AKAP13: variants seen among roughly 807,000 people sequenced by gnomAD.
The protein encoded by AKAP13 is A-kinase anchor protein 13.
Under a neutral mutation model 264.5 loss-of-function variants are expected in AKAP13, and 80 were observed. The observed-to-expected ratio is 0.30, with a 90% CI of 0.25 to 0.36. AKAP13 has a LOEUF of 0.36. Among genes scored for constraint, AKAP13 ranks in the 10% least tolerant of loss-of-function variants. The pLI is 1.00. For missense variants in AKAP13, 3,712 were observed against 3,435.2 expected (o/e 1.08, Z -2.01); for synonymous variants, 1,380 against 1,250.2 (o/e 1.10, Z -2.19).
At chr15:85,631,113 G>C (rs443744) in intron 8 of AKAP13, among the ~76,000 whole-genome samples, 95,910 of 152,046 alleles carry the variant, frequency 0.63, 30,410 homozygotes, top group Middle Eastern at 0.73. Context: ...GTAAAGTACT[G>C]TTACATGCTT....
chr15:85,448,665 C>G (rs1028832351), intron 1 of AKAP13, among the ~76,000 whole-genome samples: 2 of 152,120 alleles, frequency 1.3e-5, no homozygotes, highest in African/African-American at 4.8e-5. Context: ...TGTCAAAGAT[C>G]AGATGGTCGT....
At chr15:85,442,503 T>A (rs1364109473) in intron 1 of AKAP13, among the ~76,000 whole-genome samples, 5 of 108,484 alleles carry the variant, frequency 4.6e-5, no homozygotes, top group South Asian at 2.7e-4. Context: ...ATATATTATA[T>A]TATATATAAT....
chr15:85,705,488 G>A (rs938956746), intron 17 of AKAP13, among the ~76,000 whole-genome samples: 96 of 151,976 alleles, frequency 6.3e-4, no homozygotes, highest in African/African-American at 2.3e-3. Flanking sequence ...TGGATTATAA[G>A]ACAATAAAAT....
At chr15:85,655,878 G>C in intron 11 of AKAP13, 91 bp downstream of exon 11, 2 of 1,494,568 alleles carry the variant, frequency 1.3e-6, no homozygotes, top group Middle Eastern at 2.5e-4. Flanking sequence ...AAGAATTTAG[G>C]AGACCCCATA....
At chr15:85,562,542 G>A (rs1420918255) in intron 5 of AKAP13, among the ~76,000 whole-genome samples, 1 of 134,350 alleles carries the variant, frequency 7.4e-6, no homozygotes, top group Non-Finnish European at 1.5e-5. Flanking sequence ...TCCATCCTGG[G>A]TGACAGAGTG....
At chr15:85,437,198 G>A (rs1253623352) in intron 1 of AKAP13, among the ~76,000 whole-genome samples, 10 of 148,298 alleles carry the variant, frequency 6.7e-5, no homozygotes, top group South Asian at 2.2e-4. Flanking sequence ...ACACCTCTAC[G>A]CAAATAAACT....
intron 1 of AKAP13, among the ~76,000 whole-genome samples, chr15:85,470,208 G>C (rs1473869045): frequency 6.6e-6 from 1 of 152,204 alleles, no homozygotes; most frequent in African/African-American, 2.4e-5. Context: ...AGAATCACTT[G>C]AACCCAGAAG....
chr15:85,649,630 A>T (rs1408718179), intron 10 of AKAP13, among the ~76,000 whole-genome samples: 1 of 152,094 alleles, frequency 6.6e-6, no homozygotes, highest in Non-Finnish European at 1.5e-5. Context: ...GTTTGTCGTG[A>T]CCTTTTCACC....
At position 85,723,299 on chromosome 15, in the gene AKAP13, A is replaced by C. The variant is rs751582077; in HGVS notation, c.6724A>C (p.Asn2242His). ...ACGTGATGGGAGTGTGTTTCTGAAG[A>C]ATGCAGCAGGAAGGTTGAAAGGTAA... The part of the protein sequence containing the change: ...LVRDGSVFLK[N>H]AAGRLKEVQA... Residue 2242 changes from asparagine (N) to histidine (H), a missense_variant, in exon 26 of 37, where the codon AAT (asparagine) becomes CAT (histidine). Asn to His is a moderately conservative substitution (Grantham distance 68). Transcript: ENST00000394518. 6 of 1,614,008 alleles carry C rather than the reference A, an allele frequency of 3.7e-6. No homozygotes were observed. The highest frequency in any genetic ancestry group is 2.7e-5 in the African/African-American group (2 of 74,920).
chr15:85,507,915 T>C (rs1022068134), intron 2 of AKAP13, among the ~76,000 whole-genome samples: 3 of 152,222 alleles, frequency 2.0e-5, no homozygotes, highest in Non-Finnish European at 2.9e-5. Context: ...GACTTGCCCA[T>C]GAGGGCGTGG....
intron 1 of AKAP13, among the ~76,000 whole-genome samples, chr15:85,459,021 G>A (rs970392155): frequency 6.6e-6 from 1 of 152,116 alleles, no homozygotes; most frequent in African/African-American, 2.4e-5. Flanking sequence ...ACTTTTGTGC[G>A]AATGATTCCC....
At chr15:85,743,127 T>G (rs893404871) in intron 35 of AKAP13, among the ~76,000 whole-genome samples, 9 of 152,198 alleles carry the variant, frequency 5.9e-5, no homozygotes, top group Non-Finnish European at 4.4e-5. Flanking sequence ...AATAATTATC[T>G]GCATCCCTGT....
chr15:85,637,856 A>G (rs1596832512), intron 8 of AKAP13, among the ~76,000 whole-genome samples: 1 of 126,656 alleles, frequency 7.9e-6, no homozygotes, highest in Non-Finnish European at 1.7e-5. Flanking sequence ...TTTTCTTAAT[A>G]TTTCTACTTT....
intron 4 of AKAP13, among the ~76,000 whole-genome samples, chr15:85,539,158 CACTGCTGAA>C (rs1282660797): frequency 6.6e-6 from 1 of 152,108 alleles, no homozygotes; most frequent in East Asian, 1.9e-4. Flanking sequence ...CAGCTGTCAT[CACTGCTGAA>C]AAGAAAATAA....
At chr15:85,684,901 G>C in intron 16 of AKAP13, 28 bp downstream of exon 16, 5 of 1,610,690 alleles carry the variant, frequency 3.1e-6, no homozygotes, top group Non-Finnish European at 4.2e-6. Context: ...CATTGCTTGT[G>C]ATCACCTCAG....
chr15:85,741,738 A>C (rs938582624), intron 35 of AKAP13, among the ~76,000 whole-genome samples: 2 of 150,994 alleles, frequency 1.3e-5, no homozygotes, highest in South Asian at 2.1e-4. Flanking sequence ...ACAAAAAAAA[A>C]AAACAGTTTT....
At chr15:85,565,998 A>G (rs755812977) in intron 5 of AKAP13, among the ~76,000 whole-genome samples, 26 of 152,218 alleles carry the variant, frequency 1.7e-4, no homozygotes, top group Non-Finnish European at 3.5e-4. Flanking sequence ...TTGGTTGCAT[A>G]CTTTGGGAAC....
At chr15:85,732,270 C>G (rs1272179592) in intron 30 of AKAP13, among the ~76,000 whole-genome samples, 2 of 151,886 alleles carry the variant, frequency 1.3e-5, no homozygotes, top group African/African-American at 4.8e-5. Context: ...GTTTTCTGCC[C>G]CAGTCCTGGT....
chr15:85,646,017 CA>C, intron 10 of AKAP13, 63 bp downstream of exon 10: 3 of 1,570,232 alleles, frequency 1.9e-6, no homozygotes, highest in Non-Finnish European at 2.6e-6. Flanking sequence ...TTGGGCTTCC[CA>C]AACTCTTTTC....
Sources: gnomAD v4.1 joint callset for allele counts (sites outside exome capture counted in the v4.1 genomes callset) on GRCh38, gnomAD v4.1.1 for gene constraint, MANE v1.5 for transcripts, NCBI Gene and HGNC (gene_info 2026-07-23, HGNC 2026-07-21) for gene names.